Variants in TNRC6C observed in about 807,000 individuals in gnomAD.
The protein encoded by TNRC6C is trinucleotide repeat-containing gene 6C protein.
Under a neutral mutation model 153.7 loss-of-function variants are expected in TNRC6C, and 20 were observed. The ratio of observed to expected loss-of-function variants is 0.13; its 90% CI spans 0.09 to 0.19. The LOEUF is 0.19. Ranked by LOEUF, TNRC6C falls within the 10% of genes least tolerant of loss-of-function variation. TNRC6C has a pLI of 1.00. For missense variants in TNRC6C, 1,987 were observed against 2,172.0 expected, an observed-to-expected ratio of 0.91 and a Z score of 1.69; for synonymous variants, 811 against 841.4, an observed-to-expected ratio of 0.96 and a Z score of 0.63.
intron 1 of TNRC6C, among the ~76,000 whole-genome samples, chr17:77,977,663 C>G (rs2071019538): frequency 6.6e-6 from 1 of 152,072 alleles, no homozygotes; most frequent in South Asian, 2.1e-4. Context: ...AAAAGTTTCT[C>G]CTTTTCAACC....
chr17:78,022,221 A>G (rs986122837), intron 1 of TNRC6C, among the ~76,000 whole-genome samples: 1 of 152,226 alleles, frequency 6.6e-6, no homozygotes, highest in African/African-American at 2.4e-5. Flanking sequence ...CAGTTATTCA[A>G]GGTGGAAAGG....
intron 17 of TNRC6C, 70 bp from the exon 21 acceptor site, chr17:78,102,404 A>T: frequency 1.4e-6 from 2 of 1,396,470 alleles, no homozygotes; most frequent in Non-Finnish European, 2.0e-6. Context: ...CAGCACAATA[A>T]GAAGTGGGGA....
chr17:78,020,888 C>T (rs2071819542), intron 1 of TNRC6C, among the ~76,000 whole-genome samples: 1 of 152,208 alleles, frequency 6.6e-6, no homozygotes, highest in Admixed American at 6.5e-5. Context: ...ACATGGTCAT[C>T]CTTCCCCTCT....
intron 2 of TNRC6C, among the ~76,000 whole-genome samples, chr17:78,046,430 G>A (rs2072411992): frequency 1.3e-5 from 2 of 152,004 alleles, no homozygotes; most frequent in South Asian, 2.1e-4. Context: ...CACCTGCCTC[G>A]GCCTCCCAAA....
At chr17:78,001,350 T>C (rs575320390), upstream of TNRC6C, among the ~76,000 whole-genome samples, 1 of 152,342 alleles carries the variant, frequency 6.6e-6, no homozygotes, top group African/African-American at 2.4e-5. Flanking sequence ...CCTCCTTACC[T>C]AGTTGCCGTT....
Position 78,093,782 on chromosome 17 carries a change from C to T in TNRC6C, c.4306+19C>T. 6.2e-7 allele frequency: 1 copy of T among 1,613,354 alleles called. No individual in the cohort carries two copies. The highest frequency in any genetic ancestry group is 8.5e-7 in the Non-Finnish European group (1 of 1,179,732). ...AGTGGAGGTGAGGGTGCTGCTCTTC[C>T]TGCCTCTGCATGGACGGTCTCTCTA... On this transcript the variant is annotated intron_variant, in intron 16 of 19. Transcript: ENST00000301624.
chr17:78,060,715 A>G (rs954163729), intron 3 of TNRC6C, among the ~76,000 whole-genome samples: 4 of 152,046 alleles, frequency 2.6e-5, no homozygotes, highest in Non-Finnish European at 4.4e-5. Context: ...CCTTTATCAT[A>G]TACTCTTAAT....
At chr17:78,045,888 A>G (rs374885554) in intron 2 of TNRC6C, among the ~76,000 whole-genome samples, 2 of 151,628 alleles carry the variant, frequency 1.3e-5, no homozygotes, top group South Asian at 2.1e-4. Flanking sequence ...ATTTAACATA[A>G]TATCATGCCA....
chr17:78,104,753 C>T lies in TNRC6C; in HGVS notation c.4981C>T (p.Pro1661Ser). ...CCAGTACTCCAGCAGCCTGTGGGGCCCGCCCAGCGCCGACGACAGCAGGGT... is the reference window on the plus strand; with the variant it reads ...CCAGTACTCCAGCAGCCTGTGGGGCTCGCCCAGCGCCGACGACAGCAGGGT... Residue 1661 changes from proline to serine, a missense_variant, in exon 20 of 20, where the codon CCG becomes TCG. Pro to Ser is a moderately conservative substitution (Grantham distance 74). Coordinates refer to ENST00000301624, the Ensembl canonical transcript of TNRC6C. The surrounding 1 kb of genome is among the most constrained non-coding windows in gnomAD (Gnocchi z 6.2). 1 of 1,491,294 alleles carries T rather than the reference C, an allele frequency of 6.7e-7. No individual in the cohort carries two copies. Among genetic ancestry groups the T allele is most frequent in the Non-Finnish European group, 8.9e-7 (1 of 1,120,974 alleles). The allele number at this position is 1,491,294 out of a possible 1,614,324, so 92.4% of individuals were successfully genotyped here.
upstream of TNRC6C, among the ~76,000 whole-genome samples, chr17:78,000,473 C>T (rs1039156361): frequency 6.6e-6 from 1 of 152,126 alleles, no homozygotes; most frequent in East Asian, 1.9e-4. Context: ...CCTACCAGTT[C>T]CGTCCCCTTC....
At chr17:78,067,826 A>C in exon 5 of TNRC6C, 1 of 1,613,934 alleles carries the variant, frequency 6.2e-7, no homozygotes, top group Non-Finnish European at 8.5e-7. Context: ...AGCCAGTGGG[A>C]GGATGAAGAA....
intron 1 of TNRC6C, among the ~76,000 whole-genome samples, chr17:78,027,199 G>T (rs1457227509): frequency 6.6e-6 from 1 of 152,162 alleles, no homozygotes; most frequent in Non-Finnish European, 1.5e-5. Flanking sequence ...GATTTTAGCA[G>T]CAAGAAAGAA....
At chr17:77,957,583 A>C (rs73997875), upstream of TNRC6C, among the ~76,000 whole-genome samples, 1,824 of 152,332 alleles carry the variant, frequency 0.012, 44 homozygotes, top group African/African-American at 0.04. Flanking sequence ...CAAGACAGGG[A>C]CACGTAGACA....
chr17:78,063,510 A>G (rs2072811544), intron 3 of TNRC6C, among the ~76,000 whole-genome samples: 1 of 151,990 alleles, frequency 6.6e-6, no homozygotes, highest in Non-Finnish European at 1.5e-5. Flanking sequence ...TTCTATATGC[A>G]TCTCTAACCT....
intron 1 of TNRC6C, among the ~76,000 whole-genome samples, chr17:78,008,243 C>T (rs185029250): frequency 2.0e-5 from 3 of 152,272 alleles, no homozygotes; most frequent in African/African-American, 7.2e-5. Context: ...CTTTCCTACC[C>T]TCCCCCAACA....
At chr17:78,040,531 T>C (rs542358258) in intron 2 of TNRC6C, among the ~76,000 whole-genome samples, 1 of 152,256 alleles carries the variant, frequency 6.6e-6, no homozygotes, top group East Asian at 1.9e-4. Context: ...ATTTAGAATA[T>C]TACAGCTAGT....
rs149606975 is a variant in TNRC6C, at chr17:77,992,915, G to A, written c.-37-11255G>A. Among the ~76,000 whole-genome samples, 1,314 of 152,236 alleles carry A rather than the reference G, an allele frequency of 8.6e-3. 13 individuals carry two copies. Among genetic ancestry groups the A allele is most frequent in the South Asian group, 0.038 (181 of 4,816 alleles). On this transcript the variant is annotated intron_variant, in intron 1 of 22. Transcript: ENST00000636222. ...CCTCTGAGTACGTGTTAATCCATTA[G>A]TAGATGTGGTTCCATTAAAGTCTTG...
chr17:77,982,501 T>C (rs1037122155), intron 1 of TNRC6C, among the ~76,000 whole-genome samples: 1 of 151,908 alleles, frequency 6.6e-6, no homozygotes, highest in African/African-American at 2.4e-5. Context: ...CCATTTACTG[T>C]CCAAAAAAAG....
intron 2 of TNRC6C, 58 bp from the exon 5 acceptor site, chr17:78,048,787 T>G: frequency 1.6e-6 from 2 of 1,228,582 alleles, no homozygotes; most frequent in South Asian, 8.4e-5. Context: ...AGTTAACAGT[T>G]GATTCATTGA....
Sources: gnomAD v4.1 joint callset for allele counts (sites outside exome capture counted in the v4.1 genomes callset) on GRCh38, gnomAD v4.1.1 for gene constraint, Gnocchi (gnomAD v3.1) non-coding constraint, MANE v1.5 for transcripts, NCBI Gene and HGNC (gene_info 2026-07-23, HGNC 2026-07-21) for gene names.